The following ZDHHC6 variants were observed in gnomAD, a reference collection of about 807,000 sequenced individuals.
The protein encoded by ZDHHC6 is palmitoyltransferase ZDHHC6.
ZDHHC6 carries 32 observed loss-of-function variants against 57.8 expected under a neutral mutation model. That is an observed-to-expected ratio of 0.55 (90% CI 0.42 to 0.74). The LOEUF (loss-of-function observed/expected upper bound fraction) is 0.74. Among genes scored for constraint, ZDHHC6 ranks in the 30% least tolerant of loss-of-function variants. ZDHHC6 has a pLI of 0.00. For missense variants in ZDHHC6, 433 were observed against 500.7 expected, an observed-to-expected ratio of 0.86 and a Z score of 1.29; for synonymous variants, 128 against 158.0, an observed-to-expected ratio of 0.81 and a Z score of 1.42.
chr10:112,440,404 T>C (rs1190494887), intron 5 of ZDHHC6, 130 bp downstream of exon 5: 14 of 995,010 alleles, frequency 1.4e-5, no homozygotes, highest in Non-Finnish European at 2.0e-5. Flanking sequence ...AGGAGATTAG[T>C]TACCTAAATG....
chr10:112,426,693 C>A, downstream of ZDHHC6: 1 of 1,076,208 alleles, frequency 9.3e-7, no homozygotes, highest in Non-Finnish European at 1.4e-6. Context: ...TGCTTTCATA[C>A]TGCATGGCTT....
chr10:112,444,640 G>A lies in ZDHHC6; in HGVS notation c.267+530C>T, dbSNP rs1402058645. Among the ~76,000 whole-genome samples, 3 of 152,288 alleles carry A rather than the reference G, an allele frequency of 2.0e-5. No homozygotes were observed. The East Asian group carries it at 5.8e-4, about 29-fold the overall frequency. Reference sequence around the variant, plus strand: ...ATTCTGCCTTTCTGACAAGCCATCAGGTGTGGTCCCTTAGCAGGAAACATG... The same window carrying A: ...ATTCTGCCTTTCTGACAAGCCATCAAGTGTGGTCCCTTAGCAGGAAACATG... On this transcript the variant is annotated intron_variant, in intron 2 of 10. Coordinates refer to ENST00000369405, the MANE Select transcript of ZDHHC6 (RefSeq NM_022494.3).
downstream of ZDHHC6, among the ~76,000 whole-genome samples, chr10:112,427,017 C>CT (rs1235158741): frequency 6.6e-6 from 1 of 152,082 alleles, no homozygotes; most frequent in Non-Finnish European, 1.5e-5. Context: ...GTACAGCGCC[C>CT]TTTTTTTGCT....
intron 5 of ZDHHC6, 34 bp downstream of exon 5, chr10:112,440,500 G>C (rs760632703): frequency 3.1e-6 from 5 of 1,587,784 alleles, no homozygotes; most frequent in Admixed American, 3.4e-5. Flanking sequence ...CCAACAACTT[G>C]ACACTTTTGA....
At chr10:112,440,795 C>T (rs141092996) in intron 4 of ZDHHC6, 100 bp from the exon 5 acceptor site, 17 of 1,167,866 alleles carry the variant, frequency 1.5e-5, no homozygotes, top group South Asian at 5.4e-5. Flanking sequence ...GAGATAACAA[C>T]GTGGCCCTGT....
intron 7 of ZDHHC6, 36 bp downstream of exon 7, chr10:112,434,261 G>A (rs1186157208): frequency 8.7e-6 from 13 of 1,502,276 alleles, no homozygotes; most frequent in African/African-American, 1.4e-5. Flanking sequence ...AGAAGGCGAG[G>A]CAAAAAGGAA....
downstream of ZDHHC6, among the ~76,000 whole-genome samples, chr10:112,425,867 A>C (rs967844778): frequency 1.4e-4 from 21 of 152,318 alleles, no homozygotes; most frequent in Admixed American, 1.4e-3. Flanking sequence ...AAGTTTGATC[A>C]ACAAACTGTT....
intron 6 of ZDHHC6, among the ~76,000 whole-genome samples, chr10:112,435,278 TTTG>T (rs1845417890): frequency 6.6e-6 from 1 of 152,192 alleles, no homozygotes; most frequent in African/African-American, 2.4e-5. Context: ...TCCCTTCAAA[TTTG>T]TTGTATATAG....
chr10:112,440,393 A>G (rs1845988835), intron 5 of ZDHHC6, 141 bp downstream of exon 5: 1 of 918,788 alleles, frequency 1.1e-6, no homozygotes. Flanking sequence ...GACGAATACA[A>G]AGGAGATTAG....
At chr10:112,440,079 A>G (rs2133883031) in intron 5 of ZDHHC6, among the ~76,000 whole-genome samples, 1 of 150,266 alleles carries the variant, frequency 6.7e-6, no homozygotes, top group South Asian at 2.2e-4. Context: ...TAAGTCACTT[A>G]ACCTTTTTGA....
At position 112,442,334 on chromosome 10, in the gene ZDHHC6, T is replaced by C. The variant is rs1300461090; in HGVS notation, c.377A>G (p.Asp126Gly). The C allele has an allele frequency of 6.2e-7, 1 of 1,610,576 alleles. No individual in the cohort carries two copies. The highest frequency in any genetic ancestry group is 1.1e-5 in the South Asian group (1 of 89,916). The change falls in exon 4 of 11, where the codon GAC (aspartate) becomes GGC (glycine). Residue 126 changes from aspartate (D) to glycine (G), a missense_variant. By Grantham distance (94) the Asp-to-Gly change is moderately conservative. Transcript: ENST00000369405. The stretch of plus-strand genomic sequence containing the variant: ...GTTGTTGATCCAAGGACAGTGATGG[T>C]CCATCTTCATCACACATCTAACAAG... ...RKCNRCVMKM[D>G]HHCPWINNCC...
intron 3 of ZDHHC6, 126 bp downstream of exon 3, chr10:112,443,389 G>T: frequency 1.4e-6 from 1 of 694,840 alleles, no homozygotes; most frequent in South Asian, 2.2e-5. Context: ...CAAGTATTCT[G>T]ACAATATTGT....
intron 10 of ZDHHC6, 103 bp from the exon 11 acceptor site, chr10:112,431,010 G>T: frequency 2.2e-6 from 2 of 916,644 alleles, no homozygotes; most frequent in South Asian, 1.7e-5. Context: ...CTTGTAGTTA[G>T]ACTTTTATTC....
intron 8 of ZDHHC6, 24 bp downstream of exon 8, chr10:112,433,216 T>C: frequency 6.4e-7 from 1 of 1,557,790 alleles, no homozygotes; most frequent in South Asian, 1.2e-5. Flanking sequence ...AAAAAAAAAT[T>C]ACCACTGCAA....
At chr10:112,441,866 G>A (rs1178663391) in intron 4 of ZDHHC6, among the ~76,000 whole-genome samples, 2 of 152,226 alleles carry the variant, frequency 1.3e-5, no homozygotes, top group Non-Finnish European at 2.9e-5. Flanking sequence ...TGGGATGAAA[G>A]TAGGAAGCAC....
chr10:112,431,649 A>G (rs187809488), intron 10 of ZDHHC6, among the ~76,000 whole-genome samples: 64 of 152,228 alleles, frequency 4.2e-4, no homozygotes, highest in Admixed American at 1.8e-3. Context: ...CCGTCATAAG[A>G]GGTTAATTTA....
chr10:112,428,142 G>A (rs1844812753), downstream of ZDHHC6: 1 of 298,760 alleles, frequency 3.3e-6, no homozygotes, highest in Non-Finnish European at 6.1e-6. Context: ...GAGTTGACAG[G>A]TGGGCCCAGT....
chr10:112,443,598 A>C lies in ZDHHC6; in HGVS notation c.276T>G (p.Ser92=), dbSNP rs1050020275. The C allele has an allele frequency of 3.1e-6, 5 of 1,611,672 alleles. No individual in the cohort carries two copies. Among genetic ancestry groups the C allele is most frequent in the Non-Finnish European group, 4.2e-6 (5 of 1,178,378 alleles). ...AATACTGGAGATACATGGTATCCTG[A>C]GAAATTTCCTTGGCAGCAAAACAGA... ...FVPLGWKPEI[S]QDTMYLQYCK... is the part of the protein sequence containing the mutation. Residue 92 remains serine (S), a synonymous_variant, in exon 3 of 11, where the codon TCT becomes TCG. Transcript: ENST00000369405.
Position 112,443,567 on chromosome 10 carries a change from CTT to C in ZDHHC6, c.305_306del (p.Lys102SerfsTer17). ...CGTGGTGCCTTGTATGCTTGGCAGA[CTT>C]TACAATACTGGAGATACATGGTATC... is the stretch of plus-strand genomic sequence containing the variant. ...SQDTMYLQYC[K>X]VCQAYKAPRS... On this transcript the variant is annotated frameshift_variant, in exon 3 of 11. Transcript: ENST00000369405. LOFTEE classifies it high-confidence loss of function. The C allele has an allele frequency of 6.2e-7, 1 of 1,613,774 alleles. No homozygotes were observed. Among genetic ancestry groups the C allele is most frequent in the Non-Finnish European group, 8.5e-7 (1 of 1,179,844 alleles).
Sources: gnomAD v4.1 joint callset for allele counts (sites outside exome capture counted in the v4.1 genomes callset) on GRCh38, gnomAD v4.1.1 for gene constraint, MANE v1.5 for transcripts, NCBI Gene and HGNC (gene_info 2026-07-23, HGNC 2026-07-21) for gene names.